Variants in PVT1 observed in about 807,000 individuals in gnomAD.
PVT1 encodes the protein CXCR4/PVT1 fusion.
intron 3 of PVT1, among the ~76,000 whole-genome samples, chr8:127,983,656 G>A (rs1280780748): frequency 6.6e-6 from 1 of 152,050 alleles, no homozygotes; most frequent in Non-Finnish European, 1.5e-5. Context: ...AATATTCAGT[G>A]TGTGCTCCCC....
chr8:127,944,541 C>T (rs1454819564), intron 3 of PVT1, among the ~76,000 whole-genome samples: 1 of 145,600 alleles, frequency 6.9e-6, no homozygotes, highest in South Asian at 2.3e-4. Context: ...AATCCCTCTG[C>T]CACAGTTGTC....
intron 3 of PVT1, among the ~76,000 whole-genome samples, chr8:127,979,796 T>C (rs970979834): frequency 2.6e-5 from 4 of 152,208 alleles, no homozygotes; most frequent in Non-Finnish European, 4.4e-5. Context: ...AGAGGGCTGA[T>C]AGCTGATGGT....
intron 2 of PVT1, among the ~76,000 whole-genome samples, chr8:127,820,676 G>A (rs1027021553): frequency 2.0e-5 from 3 of 151,900 alleles, no homozygotes; most frequent in Non-Finnish European, 4.4e-5. Context: ...GGGCTGAGCA[G>A]TTGGCCTCTC....
chr8:127,815,203 G>A (rs1458652062), intron 2 of PVT1, among the ~76,000 whole-genome samples: 1 of 152,162 alleles, frequency 6.6e-6, no homozygotes, highest in African/African-American at 2.4e-5. Context: ...CTGACCTCAG[G>A]TGATCCACCC....
chr8:128,023,826 C>A (rs1817464727), intron 4 of PVT1, among the ~76,000 whole-genome samples: 1 of 152,140 alleles, frequency 6.6e-6, no homozygotes, highest in Non-Finnish European at 1.5e-5. Context: ...CCAAGGCAAG[C>A]CTGTTACATT....
intron 5 of PVT1, among the ~76,000 whole-genome samples, chr8:128,091,292 C>T (rs562571499): frequency 5.8e-4 from 88 of 152,260 alleles, no homozygotes; most frequent in Non-Finnish European, 1.0e-3. Context: ...GATTATACAA[C>T]CTGCACTCCA....
intron 2 of PVT1, among the ~76,000 whole-genome samples, chr8:127,810,509 G>A (rs1814581844): frequency 6.6e-6 from 1 of 152,198 alleles, no homozygotes; most frequent in Non-Finnish European, 1.5e-5. Flanking sequence ...GGCCCTCACT[G>A]TCCCAAGGCT....
chr8:128,029,079 G>C (rs1366043996), intron 4 of PVT1, among the ~76,000 whole-genome samples: 1 of 151,954 alleles, frequency 6.6e-6, no homozygotes, highest in Admixed American at 6.6e-5. Flanking sequence ...CTGGACTCAG[G>C]TAATCCTCCC....
At chr8:127,984,512 A>G (rs1468550110) in intron 3 of PVT1, among the ~76,000 whole-genome samples, 1 of 152,230 alleles carries the variant, frequency 6.6e-6, no homozygotes, top group African/African-American at 2.4e-5. Context: ...GTGTTTATCA[A>G]GCACCCACTC....
At chr8:128,001,932 A>G (rs1165997604) in intron 4 of PVT1, among the ~76,000 whole-genome samples, 1 of 151,996 alleles carries the variant, frequency 6.6e-6, no homozygotes, top group Non-Finnish European at 1.5e-5. Context: ...CAAAGCCCCT[A>G]CCTCCAAATC....
intron 2 of PVT1, among the ~76,000 whole-genome samples, chr8:127,887,667 AG>A (rs1370748221): frequency 2.0e-5 from 3 of 152,118 alleles, no homozygotes; most frequent in Non-Finnish European, 2.9e-5. Flanking sequence ...CTGGGATTAC[AG>A]GCACCTGCCA....
chr8:127,960,844 C>G (rs1816632223), intron 3 of PVT1: 1 of 238,688 alleles, frequency 4.2e-6, no homozygotes, highest in South Asian at 4.1e-5. Context: ...ATACTGCAGG[C>G]CAGGCATGGT....
chr8:127,802,299 G>C (rs766532490), intron 2 of PVT1, among the ~76,000 whole-genome samples: 3 of 151,748 alleles, frequency 2.0e-5, no homozygotes, highest in Non-Finnish European at 2.9e-5. Context: ...TTATAGCCTC[G>C]ACCTCCCAGG....
intron 2 of PVT1, among the ~76,000 whole-genome samples, chr8:127,851,734 C>T (rs1815109335): frequency 6.6e-6 from 1 of 152,142 alleles, no homozygotes; most frequent in African/African-American, 2.4e-5. Context: ...GTGAGCCAGG[C>T]GCTGATTCAT....
intron 3 of PVT1, among the ~76,000 whole-genome samples, chr8:127,892,224 C>CA (rs1815620655): frequency 6.6e-6 from 1 of 152,216 alleles, no homozygotes; most frequent in Non-Finnish European, 1.5e-5. Context: ...ATGCTGTTCT[C>CA]ACCCATAGCT....
chr8:127,931,229 C>T (rs1388340038), intron 3 of PVT1, among the ~76,000 whole-genome samples: 5 of 152,134 alleles, frequency 3.3e-5, no homozygotes, highest in Admixed American at 3.3e-4. Flanking sequence ...TTCTTATTTC[C>T]AAGCTTATCT....
At chr8:128,039,123 G>A (rs140271985) in intron 4 of PVT1, among the ~76,000 whole-genome samples, 6 of 152,264 alleles carry the variant, frequency 3.9e-5, no homozygotes, top group East Asian at 1.9e-4. Context: ...ATCAAACACC[G>A]TTTCTTCTTT....
chr8:127,802,248 C>G (rs189629123), intron 2 of PVT1, among the ~76,000 whole-genome samples: 2 of 151,758 alleles, frequency 1.3e-5, no homozygotes, highest in Admixed American at 6.6e-5. Flanking sequence ...CGGTCTCACT[C>G]TGTCACCCAG....
At chr8:127,880,452 G>A (rs1188032761) in intron 2 of PVT1, among the ~76,000 whole-genome samples, 2 of 148,630 alleles carry the variant, frequency 1.3e-5, no homozygotes, top group Non-Finnish European at 2.9e-5. Context: ...ACCACGCCCG[G>A]CTAATTTTTT....
Sources: gnomAD v4.1 joint callset for allele counts (sites outside exome capture counted in the v4.1 genomes callset) on GRCh38, gnomAD v4.1.1 for gene constraint, MANE v1.5 for transcripts, NCBI Gene and HGNC (gene_info 2026-07-23, HGNC 2026-07-21) for gene names.